The following MYOF variants were observed in gnomAD, a reference collection of about 807,000 sequenced individuals.
MYOF encodes myoferlin, also known as fer-1-like 3, myoferlin.
A neutral mutation model predicts 284.2 loss-of-function variants in MYOF; 244 were observed. The observed-to-expected ratio is 0.86, with a 90% CI of 0.77 to 0.95. The LOEUF is 0.95. Among genes scored for constraint, MYOF ranks in the 40% least tolerant of loss-of-function variants. The pLI is 0.00. For synonymous variants in MYOF, 904 were observed against 919.7 expected, an observed-to-expected ratio of 0.98 and a Z score of 0.31; for missense variants, 2,496 against 2,560.6, an observed-to-expected ratio of 0.97 and a Z score of 0.54.
intron 39 of MYOF, chr10:93,338,532 C>T (rs1843718226): frequency 2.2e-6 from 1 of 456,230 alleles, no homozygotes; most frequent in African/African-American, 2.0e-5. Context: ...TACCTGCCTC[C>T]ATGTACCTCC....
rs1846036101 is a variant in MYOF, at chr10:93,379,947, T to C, written c.1917A>G (p.Pro639=). 1 of 1,614,066 alleles carries C rather than the reference T, an allele frequency of 6.2e-7. No homozygotes were observed. The highest frequency in any genetic ancestry group is 2.2e-5 in the East Asian group (1 of 44,884). ...CCCAGTATGAAGTCAGGGTAACAAC[T>C]GGCTTGGTGTGGGCCCAAGGCAAGT... ...YYYLPWAHTK[P]VVTLTSYWED... Residue 639 remains proline (P), a synonymous_variant, in exon 21 of 54, where the codon CCA becomes CCG. Coordinates refer to ENST00000359263, the MANE Select transcript of MYOF (RefSeq NM_013451.4).
chr10:93,397,066 GCTTT>G (rs1847048789), intron 15 of MYOF, 177 bp downstream of exon 15: 1 of 508,504 alleles, frequency 2.0e-6, no homozygotes, highest in East Asian at 3.2e-5. Context: ...AATAATCGAA[GCTTT>G]TTTTGCAGTA....
At position 93,401,423 on chromosome 10, in the gene MYOF, G is replaced by A. The variant is rs772948489; in HGVS notation, c.1112C>T (p.Pro371Leu). 4 of 1,614,088 alleles carry A rather than the reference G, an allele frequency of 2.5e-6. No homozygotes were observed. In the South Asian group the frequency reaches 4.4e-5, roughly 18 times the overall value. ...AAGATTAAATCAGTACATACTCTGG[G>A]GGATGTCCTCAGCTCGGTAGATTTT... ...LLKIYRAEDI[P>L]QMDDAFSQTV... is the part of the protein sequence containing the mutation. Residue 371 changes from proline to leucine, a missense_variant, in exon 12 of 54, where the codon CCC becomes CTC. Coordinates refer to ENST00000359263, the MANE Select transcript of MYOF (RefSeq NM_013451.4).
intron 3 of MYOF, among the ~76,000 whole-genome samples, chr10:93,441,509 G>C (rs1222396136): frequency 6.6e-6 from 1 of 150,958 alleles, no homozygotes; most frequent in Admixed American, 6.6e-5. Flanking sequence ...CTCAGTCTCT[G>C]GAGTAGCTGG....
intron 39 of MYOF, among the ~76,000 whole-genome samples, chr10:93,339,771 C>A (rs955508346): frequency 6.6e-6 from 1 of 151,950 alleles, no homozygotes; most frequent in African/African-American, 2.4e-5. Context: ...GCCCGGCCCC[C>A]CTAGATTTAG....
intron 4 of MYOF, among the ~76,000 whole-genome samples, chr10:93,429,827 T>C (rs1047590678): frequency 6.6e-6 from 1 of 152,214 alleles, no homozygotes; most frequent in Non-Finnish European, 1.5e-5. Context: ...TTATTAATTA[T>C]ATGAAATCTG....
intron 15 of MYOF, 34 bp from the exon 16 acceptor site, chr10:93,396,258 TA>T: frequency 6.8e-7 from 1 of 1,478,726 alleles, no homozygotes; most frequent in Non-Finnish European, 9.2e-7. Flanking sequence ...AAATAAAAAA[TA>T]AAAGGTTCAG....
At chr10:93,372,538 T>C (rs913058070) in intron 24 of MYOF, among the ~76,000 whole-genome samples, 1 of 152,250 alleles carries the variant, frequency 6.6e-6, no homozygotes, top group Non-Finnish European at 1.5e-5. Flanking sequence ...TTCAATCTAT[T>C]GCTCATTAGG....
chr10:93,413,763 A>T (rs1283379663), intron 5 of MYOF, among the ~76,000 whole-genome samples: 1 of 152,044 alleles, frequency 6.6e-6, no homozygotes, highest in East Asian at 1.9e-4. Context: ...CCGAAGCAGG[A>T]GGATCGCTTG....
At chr10:93,314,932 C>A (rs1221657275) in intron 50 of MYOF, among the ~76,000 whole-genome samples, 1 of 152,116 alleles carries the variant, frequency 6.6e-6, no homozygotes, top group African/African-American at 2.4e-5. Flanking sequence ...TGTCTGTGGT[C>A]CCAGCTACTT....
chr10:93,423,769 C>T (rs969906874), intron 5 of MYOF, among the ~76,000 whole-genome samples: 1 of 150,208 alleles, frequency 6.7e-6, no homozygotes, highest in Non-Finnish European at 1.5e-5. Flanking sequence ...GGAGGCGGAG[C>T]TTGCAGTGAG....
intron 43 of MYOF, among the ~76,000 whole-genome samples, chr10:93,332,854 T>C (rs1217980357): frequency 2.0e-5 from 3 of 151,740 alleles, no homozygotes; most frequent in African/African-American, 7.3e-5. Flanking sequence ...TAAAAAAAAA[T>C]AAAATAGGAA....
rs1842127302 is a variant in MYOF at position 93,306,958 on chromosome 10, C to CTTTG, written c.*1_*4dup. On this transcript the variant is annotated 3_prime_UTR_variant, in exon 54 of 54. Coordinates refer to ENST00000359263, the MANE Select transcript of MYOF (RefSeq NM_013451.4). ...ATGACTCTTGAAATGAAGCCTTTGCCTTTGTTACACATTTGGCTTTACAAT... is the reference window on the plus strand; with the variant it reads ...ATGACTCTTGAAATGAAGCCTTTGCCTTTGTTTGTTACACATTTGGCTTTACAAT... 6.2e-7 allele frequency: 1 copy of CTTTG among 1,612,438 alleles called. No homozygotes were observed. Among genetic ancestry groups the CTTTG allele is most frequent in the Admixed American group, 1.7e-5 (1 of 59,786 alleles).
At chr10:93,428,507 G>C (rs1848695757) in intron 4 of MYOF, among the ~76,000 whole-genome samples, 2 of 151,114 alleles carry the variant, frequency 1.3e-5, no homozygotes, top group Non-Finnish European at 2.9e-5. Flanking sequence ...TGCCCAGCCT[G>C]TATGTGAATT....
intron 1 of MYOF, among the ~76,000 whole-genome samples, chr10:93,480,435 A>AT (rs894160236): frequency 6.3e-4 from 69 of 109,398 alleles, no homozygotes; most frequent in East Asian, 6.1e-3. Context: ...TGCCCTTTAG[A>AT]TTTTTTTTTT....
intron 19 of MYOF, among the ~76,000 whole-genome samples, chr10:93,385,698 A>G (rs1192819331): frequency 1.3e-5 from 2 of 152,060 alleles, no homozygotes; most frequent in Non-Finnish European, 2.9e-5. Flanking sequence ...TTCACTTTTG[A>G]TTTATATTTA....
Position 93,408,900 on chromosome 10 carries a change from T to A in MYOF, c.616A>T (p.Ile206Phe), listed in dbSNP as rs1847762023. The part of the protein sequence containing the change: ...PQDFQIRVRV[I>F]EGRQLSGNNI... ...TTACCACTTAACTGTCGGCCCTCAA[T>A]CACTCGGACGCGGATCTGCAGCACA... The change falls in exon 7 of 54, where the codon ATT becomes TTT. Residue 206 changes from isoleucine (I) to phenylalanine (F), a missense_variant. Physicochemically the swap from Ile to Phe is conservative, Grantham distance 21. Around this residue, in one of 3 missense-constraint regions of MYOF, gnomAD observed 2,436 missense variants for 2,480.7 expected, o/e 0.98. Coordinates refer to ENST00000359263, the MANE Select transcript of MYOF (RefSeq NM_013451.4). 6.2e-7 allele frequency: 1 copy of A among 1,614,186 alleles called. No homozygotes were observed. Among genetic ancestry groups the A allele is most frequent in the East Asian group, 2.2e-5 (1 of 44,880 alleles).
chr10:93,466,918 C>A (rs2057021930), intron 1 of MYOF, among the ~76,000 whole-genome samples: 1 of 152,166 alleles, frequency 6.6e-6, no homozygotes, highest in African/African-American at 2.4e-5. Flanking sequence ...ATCAAGGCTG[C>A]AGTGGGCCGT....
chr10:93,441,565 T>C (rs1354813679), intron 3 of MYOF, among the ~76,000 whole-genome samples: 2 of 146,414 alleles, frequency 1.4e-5, no homozygotes, highest in Non-Finnish European at 1.5e-5. Flanking sequence ...TTGTATCTTT[T>C]TTTTTTTTTT....
Sources: allele counts gnomAD v4.1 joint callset (sites outside exome capture counted in the v4.1 genomes callset), GRCh38; gene constraint gnomAD v4.1.1; regional missense constraint gnomAD v4.1.1; transcripts MANE v1.5; gene names NCBI Gene and HGNC (gene_info 2026-07-23, HGNC 2026-07-21).